Variants in SHC3 observed in about 807,000 individuals in gnomAD.
SHC3 encodes the protein SHC adaptor protein 3, also known as SHC-transforming protein 3.
Under a neutral mutation model 60.4 loss-of-function variants are expected in SHC3, and 15 were observed. That is an observed-to-expected ratio of 0.25 (90% CI 0.17 to 0.38). The LOEUF is 0.38. Ranked by LOEUF, SHC3 falls within the 10% of genes least tolerant of loss-of-function variation. SHC3 has a pLI of 1.00. For synonymous variants in SHC3, 294 were observed against 325.9 expected (o/e 0.90, Z 1.05); for missense variants, 677 against 786.1 (o/e 0.86, Z 1.66).
chr9:89,040,256 T>TGTC (rs1824665895), intron 10 of SHC3, among the ~76,000 whole-genome samples: 11 of 128,648 alleles, frequency 8.6e-5, no homozygotes, highest in East Asian at 5.1e-4. Flanking sequence ...CCATCAAAAT[T>TGTC]ACCATCAGCA....
intron 1 of SHC3, among the ~76,000 whole-genome samples, chr9:89,121,115 T>C (rs1826086446): frequency 6.6e-6 from 1 of 152,144 alleles, no homozygotes; most frequent in Non-Finnish European, 1.5e-5. Context: ...ATCATATTCA[T>C]ACTCTTAAAG....
chr9:89,085,181 G>T (rs760261661), intron 2 of SHC3, among the ~76,000 whole-genome samples: 15 of 152,182 alleles, frequency 9.9e-5, no homozygotes, highest in Non-Finnish European at 2.2e-4. Flanking sequence ...CTGACACCAG[G>T]CTGGGACTTG....
At chr9:89,126,643 A>C (rs1826169457) in intron 1 of SHC3, among the ~76,000 whole-genome samples, 1 of 152,032 alleles carries the variant, frequency 6.6e-6, no homozygotes, top group Admixed American at 6.6e-5. Flanking sequence ...TGGGGTCCTC[A>C]CTTTCCCCAC....
intron 2 of SHC3, among the ~76,000 whole-genome samples, chr9:89,083,536 G>A (rs1271834691): frequency 2.0e-5 from 3 of 152,216 alleles, no homozygotes; most frequent in Non-Finnish European, 4.4e-5. Context: ...ACCCTGATAT[G>A]ATAGAAATAG....
At position 89,178,142 on chromosome 9, in the gene SHC3, C is replaced by G. The variant is rs1826972270; in HGVS notation, c.319G>C (p.Ala107Pro). The change falls in exon 1 of 12, where the codon GCC becomes CCC. Residue 107 changes from alanine to proline, a missense_variant. Coordinates refer to ENST00000375835, the MANE Select transcript of SHC3 (RefSeq NM_016848.6). The surrounding 1 kb of genome is among the most constrained non-coding windows in gnomAD (Gnocchi z 6.9). ...SGSCSAPSLA[A>P]PDGSAPSAPR... ...GCCGAGGGCGCACTGCCGTCCGGGG[C>G]GGCCAGGCTGGGCGCGCTGCAGCTG... 1 of 1,193,064 alleles carries G rather than the reference C, an allele frequency of 8.4e-7. No individual in the cohort carries two copies. The highest frequency in any genetic ancestry group is 4.5e-5 in the Admixed American group (1 of 22,084). 73.9% of individuals were successfully genotyped at this position (1,193,064 alleles called of 1,614,324 possible).
At chr9:89,013,605 A>T in intron 11 of SHC3, 30 bp from the exon 12 acceptor site, 1 of 1,600,682 alleles carries the variant, frequency 6.2e-7, no homozygotes, top group Non-Finnish European at 8.5e-7. Context: ...AAGGTTAAGC[A>T]CATCTCACAG....
chr9:89,041,317 A>T (rs372758126), intron 10 of SHC3, among the ~76,000 whole-genome samples: 2 of 152,262 alleles, frequency 1.3e-5, no homozygotes, highest in African/African-American at 4.8e-5. Flanking sequence ...TCTGCAATAG[A>T]TTCCTATTAC....
chr9:89,172,862 T>C (rs562263641), intron 1 of SHC3, among the ~76,000 whole-genome samples: 40 of 152,318 alleles, frequency 2.6e-4, no homozygotes, highest in African/African-American at 9.4e-4. Flanking sequence ...CTCTTCCTTG[T>C]TGCTTTCCTC....
intron 10 of SHC3, among the ~76,000 whole-genome samples, chr9:89,039,410 G>C (rs1824637728): frequency 1.3e-5 from 2 of 152,176 alleles, no homozygotes; most frequent in South Asian, 4.1e-4. Context: ...ATAAAAATAA[G>C]TTAGAACCAT....
chr9:89,018,179 G>T (rs961526896), intron 11 of SHC3, among the ~76,000 whole-genome samples: 1 of 152,136 alleles, frequency 6.6e-6, no homozygotes, highest in African/African-American at 2.4e-5. Context: ...CTACTAAAAA[G>T]ACCCATGCAC....
chr9:89,056,930 G>A lies in SHC3; in HGVS notation c.836-4767C>T, dbSNP rs1025555534. On this transcript the variant is annotated intron_variant, in intron 6 of 11. Transcript: ENST00000375835. ...CCCACTTTCAGGAAGCCACACCCCA[G>A]CCTCACACTTCATGGGTCCCAGGTG... Among the ~76,000 whole-genome samples the A allele has an allele frequency of 2.6e-5, 4 of 152,224 alleles. 1 individual carries two copies. The highest frequency in any genetic ancestry group is 9.6e-5 in the African/African-American group (4 of 41,464).
At chr9:89,148,030 G>A (rs907040159) in intron 1 of SHC3, among the ~76,000 whole-genome samples, 4 of 152,210 alleles carry the variant, frequency 2.6e-5, no homozygotes, top group Non-Finnish European at 4.4e-5. Flanking sequence ...AGTTAAAGAC[G>A]CTCTTGATAA....
rs568073827 is a variant in SHC3 at position 89,173,030 on chromosome 9, T to C, written c.474+4957A>G. Among the ~76,000 whole-genome samples the C allele has an allele frequency of 9.5e-4, 144 of 152,304 alleles. 1 individual carries two copies. The highest frequency in any genetic ancestry group is 3.4e-3 in the Middle Eastern group (1 of 294). On this transcript the variant is annotated intron_variant, in intron 1 of 11. Transcript: ENST00000375835. ...CATTAGATGCTGGTGCAAAAAACAATACAGATGCCACCATTTCTGCCTCGG... is the reference window on the plus strand; with the variant it reads ...CATTAGATGCTGGTGCAAAAAACAACACAGATGCCACCATTTCTGCCTCGG...
intron 1 of SHC3, among the ~76,000 whole-genome samples, chr9:89,155,080 C>T (rs528123875): frequency 1.7e-3 from 254 of 152,250 alleles, no homozygotes; most frequent in African/African-American, 5.9e-3. Flanking sequence ...CTTCACGACA[C>T]CCCACAAAAA....
intron 1 of SHC3, among the ~76,000 whole-genome samples, chr9:89,128,884 C>A (rs1564165527): frequency 6.6e-6 from 1 of 152,154 alleles, no homozygotes; most frequent in African/African-American, 2.4e-5. Context: ...AGCAACAGAA[C>A]AAAGCTGGAC....
chr9:89,007,904 A>G lies in SHC3; in HGVS notation c.*5543T>C, dbSNP rs1016163560. 3 of 152,280 alleles carry G rather than the reference A, an allele frequency of 2.0e-5. No homozygotes were observed. The highest frequency in any genetic ancestry group is 1.3e-4 in the Admixed American group (2 of 15,284). 9.4% of individuals were successfully genotyped at this position (152,280 alleles called of 1,614,324 possible). A position where few individuals can be genotyped will look rare whatever the true frequency, so the allele number is the denominator to read the frequency against. Reference sequence around the variant, plus strand: ...AGGACCATCCTCCATGGCTGATGCCACAGCCTGCCAATTCCCAAATTCTTC... The same window carrying G: ...AGGACCATCCTCCATGGCTGATGCCGCAGCCTGCCAATTCCCAAATTCTTC... On this transcript the variant is annotated 3_prime_UTR_variant, in exon 12 of 12. Coordinates refer to ENST00000375835, the MANE Select transcript of SHC3 (RefSeq NM_016848.6).
At position 89,120,603 on chromosome 9, in the gene SHC3, T is replaced by A. The variant is rs138427151; in HGVS notation, c.475-7977A>T. On this transcript the variant is annotated intron_variant, in intron 1 of 11. Coordinates refer to ENST00000375835, the MANE Select transcript of SHC3 (RefSeq NM_016848.6). ...CAAATGTACTTTGATGAAGCCTTCT[T>A]GGAAAACTATATGGAAGTATCTATG... is the stretch of plus-strand genomic sequence containing the variant. Among the ~76,000 whole-genome samples, 878 of 152,330 alleles carry A rather than the reference T, an allele frequency of 5.8e-3. 12 individuals carry two copies. Among genetic ancestry groups the A allele is most frequent in the Admixed American group, 0.027 (407 of 15,298 alleles).
intron 6 of SHC3, among the ~76,000 whole-genome samples, chr9:89,058,806 CATTGTAGAAGA>C: frequency 9.6e-6 from 1 of 104,424 alleles, no homozygotes; most frequent in Middle Eastern, 9.3e-3. Context: ...TGGTGGAGGA[CATTGTAGAAGA>C]CATGGTGGAG....
intron 2 of SHC3, among the ~76,000 whole-genome samples, chr9:89,085,134 A>AAC (rs1450696910): frequency 6.6e-6 from 1 of 152,210 alleles, no homozygotes; most frequent in Non-Finnish European, 1.5e-5. Flanking sequence ...GCCCTTTGGA[A>AAC]ACACACACAC....
Sources: gnomAD v4.1 joint callset for allele counts (sites outside exome capture counted in the v4.1 genomes callset) on GRCh38, gnomAD v4.1.1 for gene constraint, Gnocchi (gnomAD v3.1) non-coding constraint, MANE v1.5 for transcripts, NCBI Gene and HGNC (gene_info 2026-07-23, HGNC 2026-07-21) for gene names.